The following CCDC50 variants were observed in gnomAD, a reference collection of about 807,000 sequenced individuals.
CCDC50 encodes coiled-coil domain containing 50.
A neutral mutation model predicts 70.2 loss-of-function variants in CCDC50; 54 were observed. That is an observed-to-expected ratio of 0.77 (90% confidence interval 0.62 to 0.96). The LOEUF (loss-of-function observed/expected upper bound fraction) is 0.96. CCDC50 is among the 50% of genes least tolerant of loss of function. The pLI, the probability that CCDC50 is intolerant of heterozygous loss-of-function variation, is 0.00. For synonymous variants in CCDC50, 216 were observed against 198.8 expected, an observed-to-expected ratio of 1.09 and a Z score of -0.73; for missense variants, 558 against 578.7, an observed-to-expected ratio of 0.96 and a Z score of 0.37.
At chr3:191,389,631 G>T (rs548244403) in intron 11 of CCDC50, 29 bp downstream of exon 11, 1 of 1,528,128 alleles carries the variant, frequency 6.5e-7, no homozygotes, top group South Asian at 1.1e-5. Flanking sequence ...GTCAAGTTTA[G>T]GATCTTCTTT....
chr3:191,388,140 TTA>T (rs3884261), intron 10 of CCDC50, among the ~76,000 whole-genome samples: 53,127 of 150,880 alleles, frequency 0.35, 11,126 homozygotes, highest in Non-Finnish European at 0.48. Context: ...TCCATTACTT[TTA>T]TATATATATA....
chr3:191,371,000 G>A (rs755980044), intron 5 of CCDC50, among the ~76,000 whole-genome samples: 8 of 152,192 alleles, frequency 5.3e-5, no homozygotes, highest in Non-Finnish European at 1.2e-4. Context: ...GTTTGAAGCA[G>A]GAAAGTGGTA....
At chr3:191,363,002 A>C (rs1192155907) in intron 4 of CCDC50, among the ~76,000 whole-genome samples, 1 of 152,116 alleles carries the variant, frequency 6.6e-6, no homozygotes, top group Non-Finnish European at 1.5e-5. Flanking sequence ...TTTTGTAGAC[A>C]GGAAAGCTTC....
chr3:191,365,993 A>G (rs990253877), intron 4 of CCDC50, among the ~76,000 whole-genome samples: 1 of 152,138 alleles, frequency 6.6e-6, no homozygotes, highest in African/African-American at 2.4e-5. Flanking sequence ...TTGGATTGGG[A>G]TGCTCAACCT....
intron 2 of CCDC50, 53 bp downstream of exon 2, chr3:191,357,203 C>A: frequency 6.8e-7 from 1 of 1,471,254 alleles, no homozygotes; most frequent in Non-Finnish European, 9.5e-7. Context: ...TTAGTGGTAG[C>A]TTGAGGCTGG....
At chr3:191,333,866 A>AT (rs925732993) in intron 1 of CCDC50, among the ~76,000 whole-genome samples, 4 of 152,016 alleles carry the variant, frequency 2.6e-5, no homozygotes, top group African/African-American at 9.7e-5. Context: ...AAAACTTCGA[A>AT]TTTTTTTCTA....
At position 191,398,152 on chromosome 3, in the gene CCDC50, C is replaced by T. The variant is rs951078335; in HGVS notation, c.*6392C>T. The T allele has an allele frequency of 2.0e-5, 3 of 152,154 alleles. No homozygotes were observed. Among genetic ancestry groups the T allele is most frequent in the South Asian group, 2.1e-4 (1 of 4,830 alleles). The allele number at this position is 152,154 out of a possible 1,614,324, so 9.4% of individuals were successfully genotyped here. A position where few individuals can be genotyped will look rare whatever the true frequency, so the allele number is the denominator to read the frequency against. ...ATGTGTCTTGGGAGGTTGAGGTGTT[C>T]AACATCGTTAAGGCACTCCCAAAAC... is the stretch of plus-strand genomic sequence containing the variant. On this transcript the variant is annotated 3_prime_UTR_variant, in exon 12 of 12. Coordinates refer to ENST00000392455, the MANE Select transcript of CCDC50 (RefSeq NM_178335.3).
intron 11 of CCDC50, 140 bp from the exon 12 acceptor site, chr3:191,391,601 G>A (rs960667587): frequency 5.1e-6 from 4 of 779,104 alleles, no homozygotes; most frequent in African/African-American, 3.5e-5. Context: ...CATTGATTCT[G>A]TATATATGTC....
In CCDC50 at chr3:191,395,605, T is replaced by C. The variant is rs1048794925; in HGVS notation, c.*3845T>C. ...CTGTGTAAACAGCTTTCTGAAGGAC[T>C]GATAATAGAATAGAACTTGCAGCCA... On this transcript the variant is annotated 3_prime_UTR_variant, in exon 12 of 12. Coordinates refer to ENST00000392455, the MANE Select transcript of CCDC50 (RefSeq NM_178335.3). 1 of 152,096 alleles carries C rather than the reference T, an allele frequency of 6.6e-6. No individual in the cohort carries two copies. The highest frequency in any genetic ancestry group is 1.5e-5 in the Non-Finnish European group (1 of 67,982). 9.4% of individuals were successfully genotyped at this position (152,096 alleles called of 1,614,324 possible). A position where few individuals can be genotyped will look rare whatever the true frequency, so the allele number is the denominator to read the frequency against.
At chr3:191,382,040 T>C (rs113497812) in intron 9 of CCDC50, among the ~76,000 whole-genome samples, 11 of 152,174 alleles carry the variant, frequency 7.2e-5, no homozygotes, top group African/African-American at 2.4e-4. Context: ...TTTTCTAATA[T>C]ACTGTTTTAG....
rs1288468602 is a variant in CCDC50 at position 191,397,097 on chromosome 3, A to C, written c.*5337A>C. On this transcript the variant is annotated 3_prime_UTR_variant, in exon 12 of 12. Coordinates refer to ENST00000392455, the MANE Select transcript of CCDC50 (RefSeq NM_178335.3). ...TGTTATTCATTGCTGAGGTTCATAT[A>C]AAGAATAGAAAAATTGAAAGATGGG... 6.6e-6 allele frequency: 1 copy of C among 152,200 alleles called. No individual in the cohort carries two copies. Among genetic ancestry groups the C allele is most frequent in the African/African-American group, 2.4e-5 (1 of 41,454 alleles). The allele number at this position is 152,200 out of a possible 1,614,324, so 9.4% of individuals were successfully genotyped here.
chr3:191,329,854 G>C (rs1717893016), intron 1 of CCDC50, 131 bp downstream of exon 1: 1 of 780,450 alleles, frequency 1.3e-6, no homozygotes, highest in South Asian at 1.7e-5. Context: ...GCCTTGCCCG[G>C]ACGTGAAAGG....
chr3:191,329,829 G>T, intron 1 of CCDC50, 106 bp downstream of exon 1: 1 of 1,185,240 alleles, frequency 8.4e-7, no homozygotes, highest in Non-Finnish European at 1.2e-6. Flanking sequence ...CTCGCCCGGT[G>T]CCCGCCCTGC....
chr3:191,339,399 A>G (rs1711637118), intron 1 of CCDC50, among the ~76,000 whole-genome samples: 1 of 152,174 alleles, frequency 6.6e-6, no homozygotes, highest in Non-Finnish European at 1.5e-5. Context: ...CTCTATATAA[A>G]AAAAGTGAGG....
chr3:191,380,409 A>C, intron 7 of CCDC50, 135 bp downstream of exon 7: 1 of 731,514 alleles, frequency 1.4e-6, no homozygotes, highest in Non-Finnish European at 2.5e-6. Context: ...AATCATGACA[A>C]TAGGAATAGA....
At chr3:191,375,635 A>G in intron 6 of CCDC50, 46 bp downstream of exon 6, 1 of 1,584,998 alleles carries the variant, frequency 6.3e-7, no homozygotes, top group Non-Finnish European at 8.6e-7. Context: ...CATGTATATA[A>G]CTACAAACCA....
At chr3:191,332,873 G>A (rs1718037146) in intron 1 of CCDC50, among the ~76,000 whole-genome samples, 1 of 152,162 alleles carries the variant, frequency 6.6e-6, no homozygotes, top group Admixed American at 6.5e-5. Flanking sequence ...TAACCAAGAT[G>A]TTGATCGAGG....
At chr3:191,338,313 A>C (rs755724983) in intron 1 of CCDC50, among the ~76,000 whole-genome samples, 37 of 152,282 alleles carry the variant, frequency 2.4e-4, no homozygotes, top group Admixed American at 9.8e-4. Flanking sequence ...GGTCTGTGTA[A>C]ATATCGAATA....
rs756585234 is a variant in CCDC50 at position 191,394,268 on chromosome 3, A to G, written c.*2508A>G. 10 of 152,146 alleles carry G rather than the reference A, an allele frequency of 6.6e-5. No individual in the cohort carries two copies. The highest frequency in any genetic ancestry group is 1.5e-4 in the Non-Finnish European group (10 of 67,994). The allele number at this position is 152,146 out of a possible 1,614,324, so 9.4% of individuals were successfully genotyped here. ...TGTGTAAAGCAAACACTTTTAAAAT[A>G]ATATCAGAGTAATTATTACCCTATG... On this transcript the variant is annotated 3_prime_UTR_variant, in exon 12 of 12. Coordinates refer to ENST00000392455, the MANE Select transcript of CCDC50 (RefSeq NM_178335.3).
Sources: gnomAD v4.1 joint callset for allele counts (sites outside exome capture counted in the v4.1 genomes callset) on GRCh38, gnomAD v4.1.1 for gene constraint, MANE v1.5 for transcripts, NCBI Gene and HGNC (gene_info 2026-07-23, HGNC 2026-07-21) for gene names.